UBE2D4: variants seen among roughly 807,000 people sequenced by gnomAD.
UBE2D4 encodes the protein ubiquitin-conjugating enzyme E2 D4.
UBE2D4 carries 17 observed loss-of-function variants against 23.0 expected under a neutral mutation model. The observed-to-expected ratio is 0.74, with a 90% CI of 0.51 to 1.11. The LOEUF (loss-of-function observed/expected upper bound fraction) is 1.11, where lower values mean the gene tolerates loss of function less well. Ranked by LOEUF, UBE2D4 falls within the 50% of genes least tolerant of loss-of-function variation. The pLI is 0.00. For synonymous variants in UBE2D4, 61 were observed against 69.4 expected (o/e 0.88, Z 0.60); for missense variants, 139 against 181.8 (o/e 0.76, Z 1.35).
At chr7:43,936,407 C>T (rs145912816) in intron 1 of UBE2D4, among the ~76,000 whole-genome samples, 1,721 of 152,070 alleles carry the variant, frequency 0.011, 15 homozygotes, top group Non-Finnish European at 0.017. Flanking sequence ...TTCTCTTTTT[C>T]GGAACTTCTC....
At chr7:43,934,220 A>T (rs1175585346) in intron 1 of UBE2D4, among the ~76,000 whole-genome samples, 2 of 151,906 alleles carry the variant, frequency 1.3e-5, no homozygotes, top group African/African-American at 4.8e-5. Flanking sequence ...TTTTTTCTGG[A>T]ATACGTGCAA....
At chr7:43,951,710 A>C (rs1476239280) in intron 6 of UBE2D4, among the ~76,000 whole-genome samples, 1 of 151,998 alleles carries the variant, frequency 6.6e-6, no homozygotes, top group Non-Finnish European at 1.5e-5. Context: ...TTTTGTAGAG[A>C]CAGGGTTTTG....
At position 43,953,128 on chromosome 7, in the gene UBE2D4, C is replaced by G. The variant is rs549548833; in HGVS notation, c.*433C>G. 1 of 456,906 alleles carries G rather than the reference C, an allele frequency of 2.2e-6. No individual in the cohort carries two copies. Among genetic ancestry groups the G allele is most frequent in the Non-Finnish European group, 4.4e-6 (1 of 227,116 alleles). 28.3% of individuals were successfully genotyped at this position (456,906 alleles called of 1,614,324 possible). A position where few individuals can be genotyped will look rare whatever the true frequency, so the allele number is the denominator to read the frequency against. ...AGAACTCAGTGCCATCCTGGGTGCCCAGGGCAGAGCAGGCTTTGTTCGCAC... is the reference window on the plus strand; with the variant it reads ...AGAACTCAGTGCCATCCTGGGTGCCGAGGGCAGAGCAGGCTTTGTTCGCAC... On this transcript the variant is annotated 3_prime_UTR_variant, in exon 7 of 7. Transcript: ENST00000222402.
chr7:43,948,226 G>A lies in UBE2D4; in HGVS notation c.199-406G>A, dbSNP rs546107647. ...ATCCCATTTGTCTATTTTGGCTTTC[G>A]TTGCCATTGCTTTTGGTGTTTTAGT... is the stretch of plus-strand genomic sequence containing the variant. On this transcript the variant is annotated intron_variant, in intron 4 of 6. Transcript: ENST00000222402. Among the ~76,000 whole-genome samples, 15 of 152,246 alleles carry A rather than the reference G, an allele frequency of 9.9e-5. 1 individual carries two copies. In the South Asian group the frequency reaches 1.0e-3, roughly 11 times the overall value.
intron 1 of UBE2D4, among the ~76,000 whole-genome samples, chr7:43,933,047 T>C (rs2095950315): frequency 6.9e-6 from 1 of 145,892 alleles, no homozygotes; most frequent in African/African-American, 2.5e-5. Context: ...TGTATGTGTG[T>C]ATATATATAA....
At chr7:43,945,776 CTTTTTTTTTTTT>C (rs11339851) in intron 4 of UBE2D4, among the ~76,000 whole-genome samples, 3 of 84,190 alleles carry the variant, frequency 3.6e-5, no homozygotes, top group South Asian at 5.3e-4. Context: ...GGCAAAATCC[CTTTTTTTTTTTT>C]TTTTTTTTTT....
intron 2 of UBE2D4, among the ~76,000 whole-genome samples, chr7:43,939,616 T>C (rs2095966689): frequency 6.6e-6 from 1 of 152,196 alleles, no homozygotes; most frequent in Admixed American, 6.5e-5. Flanking sequence ...AGACAGAATG[T>C]GTATGCCAAT....
In UBE2D4 at chr7:43,944,185, G is replaced by A. The variant is rs566953181; in HGVS notation, c.198+1154G>A. On this transcript the variant is annotated intron_variant, in intron 4 of 6. Coordinates refer to ENST00000222402, the MANE Select transcript of UBE2D4 (RefSeq NM_015983.4). This position sits in a 1 kb window ranked among gnomAD's most constrained non-coding sequence, Gnocchi z 4.0. Reference sequence around the variant, plus strand: ...TTCTCCTGCTTCAGCCTCCTGAGTAGCTGGGACTACAGGCACTCGCCACCA... The same window carrying A: ...TTCTCCTGCTTCAGCCTCCTGAGTAACTGGGACTACAGGCACTCGCCACCA... The A allele has an allele frequency of 6.6e-6, 1 of 152,238 alleles. No homozygotes were observed. Among genetic ancestry groups the A allele is most frequent in the Non-Finnish European group, 1.5e-5 (1 of 68,090 alleles). The allele number at this position is 152,238 out of a possible 1,614,324, so 9.4% of individuals were successfully genotyped here.
intron 2 of UBE2D4, among the ~76,000 whole-genome samples, chr7:43,940,202 G>A (rs1435499319): frequency 6.6e-6 from 1 of 152,104 alleles, no homozygotes; most frequent in Admixed American, 6.6e-5. Flanking sequence ...CTCATTTCTG[G>A]AGCAGAGCAG....
At position 43,954,693 on chromosome 7, in the gene UBE2D4, G is replaced by A. The variant is rs564895009; in HGVS notation, c.*1998G>A. On this transcript the variant is annotated 3_prime_UTR_variant, in exon 7 of 7. Coordinates refer to ENST00000222402, the MANE Select transcript of UBE2D4 (RefSeq NM_015983.4). ...CCTCTAGGAAGGCTGTTAGCATATG[G>A]CTCTACTGAGCAGCAGTGCCATCTG... The A allele has an allele frequency of 6.6e-6, 1 of 152,296 alleles. No individual in the cohort carries two copies. The highest frequency in any genetic ancestry group is 2.1e-4 in the South Asian group (1 of 4,818). The allele number at this position is 152,296 out of a possible 1,614,324, so 9.4% of individuals were successfully genotyped here.
At chr7:43,933,013 T>TATATATATATACACACAC (rs1340458201) in intron 1 of UBE2D4, among the ~76,000 whole-genome samples, 4 of 116,648 alleles carry the variant, frequency 3.4e-5, no homozygotes, top group African/African-American at 1.4e-4. Flanking sequence ...TATATATATA[T>TATATATATATACACACAC]ACACACACAT....
rs571941628 is a variant in UBE2D4 at position 43,944,987 on chromosome 7, T to A, written c.198+1956T>A. On this transcript the variant is annotated intron_variant, in intron 4 of 6. Coordinates refer to ENST00000222402, the MANE Select transcript of UBE2D4 (RefSeq NM_015983.4). The surrounding 1 kb of genome is among the most constrained non-coding windows in gnomAD (Gnocchi z 4.0). Reference sequence around the variant, plus strand: ...AGAAACAGTGATTATTATTATTATTTTTTAATTATTATTATTATTTTTGAG... The same window carrying A: ...AGAAACAGTGATTATTATTATTATTATTTAATTATTATTATTATTTTTGAG... The A allele has an allele frequency of 6.8e-4, 103 of 152,198 alleles. No individual in the cohort carries two copies. Among genetic ancestry groups the A allele is most frequent in the African/African-American group, 2.4e-3 (99 of 41,552 alleles). 9.4% of individuals were successfully genotyped at this position (152,198 alleles called of 1,614,324 possible). A position where few individuals can be genotyped will look rare whatever the true frequency, so the allele number is the denominator to read the frequency against.
At chr7:43,927,929 A>C in intron 1 of UBE2D4, 1 of 411,870 alleles carries the variant, frequency 2.4e-6, no homozygotes, top group Non-Finnish European at 4.8e-6. Context: ...ACTGTGTATT[A>C]GTCTGTTTTG....
intron 5 of UBE2D4, among the ~76,000 whole-genome samples, chr7:43,949,622 TG>T (rs1344873998): frequency 6.6e-6 from 1 of 152,216 alleles, no homozygotes; most frequent in Admixed American, 6.5e-5. Context: ...GAATCCAGTT[TG>T]TTTGGAATCA....
chr7:43,946,796 G>T (rs1434377584), intron 4 of UBE2D4, among the ~76,000 whole-genome samples: 1 of 152,010 alleles, frequency 6.6e-6, no homozygotes, highest in Non-Finnish European at 1.5e-5. Context: ...TTCTGAGAAG[G>T]GGGGGTCTTA....
intron 1 of UBE2D4, among the ~76,000 whole-genome samples, chr7:43,929,433 A>C (rs1437831000): frequency 6.6e-6 from 1 of 151,468 alleles, no homozygotes; most frequent in Non-Finnish European, 1.5e-5. Flanking sequence ...CTTAAAAAAA[A>C]AAAAAAAAAG....
chr7:43,950,493 G>A lies in UBE2D4; in HGVS notation c.305-106G>A. 10 of 825,564 alleles carry A rather than the reference G, an allele frequency of 1.2e-5. No homozygotes were observed. In the South Asian group the frequency reaches 1.5e-4, roughly 12 times the overall value. The allele number at this position is 825,564 out of a possible 1,614,324, so 51.1% of individuals were successfully genotyped here. ...ATTTAGATTGGGCTGTTGAAGGGAA[G>A]ACAACTGCTTGGTCAAAATACAGAG... is the stretch of plus-strand genomic sequence containing the variant. On this transcript the variant is annotated intron_variant, in intron 5 of 6. Coordinates refer to ENST00000222402, the MANE Select transcript of UBE2D4 (RefSeq NM_015983.4).
intron 1 of UBE2D4, among the ~76,000 whole-genome samples, chr7:43,935,918 T>G (rs1255706509): frequency 6.6e-6 from 1 of 152,196 alleles, no homozygotes; most frequent in Admixed American, 6.5e-5. Context: ...CTGTTGGGGA[T>G]TGGAGGCTCC....
chr7:43,948,460 A>G (rs570618439), intron 4 of UBE2D4, 172 bp from the exon 5 acceptor site: 1 of 540,300 alleles, frequency 1.9e-6, no homozygotes, highest in Admixed American at 3.2e-5. Flanking sequence ...GTGATCACTC[A>G]CTCCCATATC....
Sources: allele counts gnomAD v4.1 joint callset (sites outside exome capture counted in the v4.1 genomes callset), GRCh38; gene constraint gnomAD v4.1.1; non-coding constraint Gnocchi (gnomAD v3.1); transcripts MANE v1.5; gene names NCBI Gene and HGNC (gene_info 2026-07-23, HGNC 2026-07-21).